Variants in TRHDE observed in about 807,000 individuals in gnomAD.
TRHDE encodes the protein thyrotropin-releasing hormone-degrading ectoenzyme.
Under a neutral mutation model 125.7 loss-of-function variants are expected in TRHDE, and 72 were observed. The ratio of observed to expected loss-of-function variants is 0.57; its 90% confidence interval spans 0.47 to 0.70. TRHDE has a LOEUF of 0.70. Among genes scored for constraint, TRHDE ranks in the 30% least tolerant of loss-of-function variants. The pLI is 0.00. For missense variants in TRHDE, 1,110 were observed against 1,327.1 expected (o/e 0.84, Z 2.54); for synonymous variants, 509 against 509.1 (o/e 1.00, Z 0.00).
chr12:72,096,211 C>T (rs908096513), intron 1 of TRHDE, among the ~76,000 whole-genome samples: 4 of 151,458 alleles, frequency 2.6e-5, no homozygotes, highest in Non-Finnish European at 5.9e-5. Flanking sequence ...GACTAATATA[C>T]TTAGTGGAAT....
chr12:72,187,049 A>G (rs1207541376), intron 2 of TRHDE, among the ~76,000 whole-genome samples: 1 of 152,148 alleles, frequency 6.6e-6, no homozygotes, highest in Non-Finnish European at 1.5e-5. Flanking sequence ...TTATATCATC[A>G]TGTACTAAGT....
chr12:72,405,850 T>C (rs1304829293), intron 3 of TRHDE, among the ~76,000 whole-genome samples: 2 of 152,220 alleles, frequency 1.3e-5, no homozygotes, highest in African/African-American at 4.8e-5. Context: ...AAATATCAAA[T>C]AGATGGTCAG....
chr12:72,667,108 AT>A lies in TRHDE; in HGVS notation c.*3915del, dbSNP rs971853039. On this transcript the variant is annotated 3_prime_UTR_variant, in exon 19 of 19. Coordinates refer to ENST00000261180, the MANE Select transcript of TRHDE (RefSeq NM_013381.3). ...AACAATGCAATTTTAGTACTACTGGATTAGATGCAGTAAAGGAATCCCTAAG... is the reference window on the plus strand; with the variant it reads ...AACAATGCAATTTTAGTACTACTGGATAGATGCAGTAAAGGAATCCCTAAG... 8.5e-5 allele frequency: 13 copies of A among 152,090 alleles called. No individual in the cohort carries two copies. Among genetic ancestry groups the A allele is most frequent in the African/African-American group, 3.1e-4 (13 of 41,554 alleles). 9.4% of individuals were successfully genotyped at this position (152,090 alleles called of 1,614,324 possible). A position where few individuals can be genotyped will look rare whatever the true frequency, so the allele number is the denominator to read the frequency against.
intron 2 of TRHDE, among the ~76,000 whole-genome samples, chr12:72,147,235 A>G (rs1876250642): frequency 6.6e-6 from 1 of 151,976 alleles, no homozygotes. Flanking sequence ...TTGCTGGGGA[A>G]CTGCCCTCTT....
intron 2 of TRHDE, among the ~76,000 whole-genome samples, chr12:72,375,830 C>T (rs1160148116): frequency 2.6e-5 from 4 of 152,084 alleles, no homozygotes; most frequent in African/African-American, 9.7e-5. Flanking sequence ...TAGTCCAGGC[C>T]CTGATACAAG....
At chr12:72,107,887 T>C (rs184771801) in intron 2 of TRHDE, among the ~76,000 whole-genome samples, 119 of 152,260 alleles carry the variant, frequency 7.8e-4, no homozygotes, top group Admixed American at 5.1e-3. Context: ...ACTTCACTGT[T>C]TCACATGTTG....
At chr12:72,465,590 T>C (rs971008757) in intron 3 of TRHDE, among the ~76,000 whole-genome samples, 3 of 152,220 alleles carry the variant, frequency 2.0e-5, no homozygotes, top group Non-Finnish European at 4.4e-5. Flanking sequence ...TGCATGGATA[T>C]ACCATACTTT....
chr12:72,491,914 A>G (rs896818096), intron 5 of TRHDE, among the ~76,000 whole-genome samples: 46 of 152,036 alleles, frequency 3.0e-4, no homozygotes, highest in African/African-American at 1.0e-3. Context: ...TTATATCAAT[A>G]AGAGATATGC....
intron 2 of TRHDE, chr12:72,257,447 T>C (rs1008903518): frequency 2.0e-5 from 3 of 152,234 alleles, no homozygotes; most frequent in South Asian, 2.1e-4. Context: ...ACTATGTATA[T>C]GCAAATATTC....
At chr12:72,580,922 A>T (rs1176446672) in intron 12 of TRHDE, among the ~76,000 whole-genome samples, 1 of 152,220 alleles carries the variant, frequency 6.6e-6, no homozygotes, top group African/African-American at 2.4e-5. Context: ...TGAAAGCATT[A>T]AGGAGTAAAG....
upstream of TRHDE, among the ~76,000 whole-genome samples, chr12:72,271,558 G>A (rs1211812012): frequency 6.6e-6 from 1 of 152,064 alleles, no homozygotes; most frequent in East Asian, 1.9e-4. Flanking sequence ...GCGGAGAAAA[G>A]CTCTCTAATC....
intron 3 of TRHDE, among the ~76,000 whole-genome samples, chr12:72,448,147 G>C (rs1875391136): frequency 6.6e-6 from 1 of 151,980 alleles, no homozygotes; most frequent in Non-Finnish European, 1.5e-5. Flanking sequence ...TTATGGATTA[G>C]GAAACATTTC....
chr12:72,108,206 T>C lies in TRHDE; in HGVS notation n.279+2454T>C, dbSNP rs1484833. On this transcript the variant is annotated intron_variant and non_coding_transcript_variant, in intron 2 of 4. Transcript: ENST00000548156. ...TCATTAAAAGTGATATTGTTGATTG[T>C]AGGGCAGCAAAACTGCTTTTTATGC... Among the ~76,000 whole-genome samples the C allele has an allele frequency of 2.0e-4, 31 of 152,034 alleles. No individual in the cohort carries two copies. The South Asian group carries it at 6.2e-3, about 30-fold the overall frequency.
At chr12:72,248,791 C>G (rs1305264181) in intron 2 of TRHDE, among the ~76,000 whole-genome samples, 1 of 152,158 alleles carries the variant, frequency 6.6e-6, no homozygotes, top group Non-Finnish European at 1.5e-5. Context: ...AATTAAGGTG[C>G]AAATTCTTAC....
chr12:72,641,139 G>T (rs1197158385), intron 15 of TRHDE, among the ~76,000 whole-genome samples: 3 of 152,068 alleles, frequency 2.0e-5, no homozygotes, highest in Non-Finnish European at 4.4e-5. Context: ...AATTAGGTCT[G>T]CCAAAAACTT....
At chr12:72,227,168 G>T (rs1555169692) in intron 2 of TRHDE, among the ~76,000 whole-genome samples, 1 of 151,948 alleles carries the variant, frequency 6.6e-6, no homozygotes, top group Non-Finnish European at 1.5e-5. Flanking sequence ...TAGATATTAA[G>T]AAAAAAAGTA....
In TRHDE at chr12:72,124,734, A is replaced by G. The variant is rs559468044; in HGVS notation, n.279+18982A>G. Among the ~76,000 whole-genome samples, 227 of 152,266 alleles carry G rather than the reference A, an allele frequency of 1.5e-3. 1 individual carries two copies. Among genetic ancestry groups the G allele is most frequent in the African/African-American group, 5.0e-3 (208 of 41,562 alleles). On this transcript the variant is annotated intron_variant and non_coding_transcript_variant, in intron 2 of 4. Coordinates refer to the TRHDE transcript ENST00000548156. ...TGTATTTAATGGTGCTATAAACGTT[A>G]TGAGCAAAGTTTTTGAACTGTACAT...
At chr12:72,437,787 C>T (rs1368231237) in intron 3 of TRHDE, among the ~76,000 whole-genome samples, 1 of 151,708 alleles carries the variant, frequency 6.6e-6, no homozygotes, top group Non-Finnish European at 1.5e-5. Flanking sequence ...ATGGTGCGAA[C>T]ACTTTATATT....
At chr12:72,517,630 G>A (rs1878946547) in intron 6 of TRHDE, among the ~76,000 whole-genome samples, 2 of 151,904 alleles carry the variant, frequency 1.3e-5, no homozygotes, top group African/African-American at 2.4e-5. Flanking sequence ...AGGGTTTTTT[G>A]TGTCTCTATG....
Sources: allele counts gnomAD v4.1 joint callset (sites outside exome capture counted in the v4.1 genomes callset), GRCh38; gene constraint gnomAD v4.1.1; transcripts MANE v1.5; gene names NCBI Gene and HGNC (gene_info 2026-07-23, HGNC 2026-07-21).